Variants in CFAP299 observed in about 807,000 individuals in gnomAD.
CFAP299 encodes the protein cilia and flagella associated protein 299.
CFAP299 carries 21 observed loss-of-function variants against 27.0 expected under a neutral mutation model. The observed-to-expected ratio is 0.78, with a 90% CI of 0.55 to 1.12. The LOEUF is 1.12. Among genes scored for constraint, CFAP299 ranks in the 50% most tolerant of loss-of-function variants. The pLI is 0.00. For synonymous variants in CFAP299, 104 were observed against 98.1 expected, an observed-to-expected ratio of 1.06 and a Z score of -0.36; for missense variants, 310 against 276.6, an observed-to-expected ratio of 1.12 and a Z score of -0.86.
intron 2 of CFAP299, among the ~76,000 whole-genome samples, chr4:80,552,818 G>C (rs1734590833): frequency 6.6e-6 from 1 of 151,912 alleles, no homozygotes; most frequent in Non-Finnish European, 1.5e-5. Flanking sequence ...CTCTCAAGTA[G>C]CTAAGACAAC....
intron 2 of CFAP299, among the ~76,000 whole-genome samples, chr4:80,411,013 TG>T (rs1440729262): frequency 6.6e-6 from 1 of 152,182 alleles, no homozygotes; most frequent in African/African-American, 2.4e-5. Flanking sequence ...ACTTAGGTTT[TG>T]GGTAAAATTC....
chr4:80,921,006 G>C (rs1277340792), intron 4 of CFAP299, among the ~76,000 whole-genome samples: 1 of 152,024 alleles, frequency 6.6e-6, no homozygotes, highest in African/African-American at 2.4e-5. Context: ...TTTGCTAAAT[G>C]CATGTTTGTT....
intron 3 of CFAP299, among the ~76,000 whole-genome samples, chr4:80,595,798 T>A (rs1034327054): frequency 1.1e-4 from 16 of 152,304 alleles, no homozygotes; most frequent in Admixed American, 5.9e-4. Context: ...CTAAGGAAAT[T>A]ATGGACATAT....
At chr4:80,945,693 A>G (rs1007592661) in intron 5 of CFAP299, among the ~76,000 whole-genome samples, 1 of 152,208 alleles carries the variant, frequency 6.6e-6, no homozygotes, top group African/African-American at 2.4e-5. Context: ...AGATTCTTTC[A>G]TAGTAAAATA....
chr4:80,520,060 C>T (rs1274853814), intron 2 of CFAP299, among the ~76,000 whole-genome samples: 2 of 152,136 alleles, frequency 1.3e-5, no homozygotes, highest in Non-Finnish European at 2.9e-5. Context: ...TAGGCTAATA[C>T]TAATTTGGAG....
At chr4:80,440,301 A>C (rs1321672441) in intron 2 of CFAP299, among the ~76,000 whole-genome samples, 10 of 142,818 alleles carry the variant, frequency 7.0e-5, no homozygotes, top group Non-Finnish European at 1.6e-4. Flanking sequence ...CATACAGGAG[A>C]GCTCCGGCTG....
At chr4:80,503,192 G>T (rs1390069585) in intron 2 of CFAP299, among the ~76,000 whole-genome samples, 1 of 152,010 alleles carries the variant, frequency 6.6e-6, no homozygotes, top group Non-Finnish European at 1.5e-5. Context: ...TTTCACCTAG[G>T]ATTCAAAGTC....
intron 2 of CFAP299, among the ~76,000 whole-genome samples, chr4:80,545,523 C>T (rs1252169175): frequency 6.6e-6 from 1 of 152,058 alleles, no homozygotes; most frequent in East Asian, 1.9e-4. Context: ...CCTGGAAACA[C>T]AAAGCCTCTC....
At chr4:80,672,213 A>G (rs1741526966) in intron 3 of CFAP299, among the ~76,000 whole-genome samples, 1 of 152,184 alleles carries the variant, frequency 6.6e-6, no homozygotes, top group African/African-American at 2.4e-5. Context: ...TTTAGCATGA[A>G]GGGATGTTGA....
intron 3 of CFAP299, among the ~76,000 whole-genome samples, chr4:80,741,772 A>G (rs1204733215): frequency 6.6e-6 from 1 of 152,130 alleles, no homozygotes; most frequent in Admixed American, 6.5e-5. Flanking sequence ...TAGAAATTGT[A>G]GTCCTTGTGT....
rs942258217 is a variant in CFAP299 at position 80,627,188 on chromosome 4, C to A, written c.333+44005C>A. On this transcript the variant is annotated intron_variant, in intron 3 of 5. Transcript: ENST00000358105. Reference sequence around the variant, plus strand: ...TCATTCCAGTGATGCAAGGATGGTCCTATATATGCAAATCGGTAAATGTAA... The same window carrying A: ...TCATTCCAGTGATGCAAGGATGGTCATATATATGCAAATCGGTAAATGTAA... 4.0e-5 allele frequency among the ~76,000 whole-genome samples: 6 copies of A among 151,838 alleles called. No homozygotes were observed. In the South Asian group the frequency reaches 1.2e-3, roughly 32 times the overall value.
At position 80,941,560 on chromosome 4, in the gene CFAP299, A is replaced by G. The variant is rs189494376; in HGVS notation, c.477-3250A>G. Among the ~76,000 whole-genome samples, 617 of 152,324 alleles carry G rather than the reference A, an allele frequency of 4.1e-3. 1 individual carries two copies. The highest frequency in any genetic ancestry group is 0.014 in the Middle Eastern group (4 of 294). On this transcript the variant is annotated intron_variant, in intron 4 of 5. Transcript: ENST00000358105. ...AACTAGCTCAACTATTTGTCCTTACATTTCTCCAAAGTCCAAATATCTTTC... is the reference window on the plus strand; with the variant it reads ...AACTAGCTCAACTATTTGTCCTTACGTTTCTCCAAAGTCCAAATATCTTTC...
intron 3 of CFAP299, among the ~76,000 whole-genome samples, chr4:80,606,542 A>C (rs1737688099): frequency 1.3e-5 from 2 of 152,162 alleles, no homozygotes; most frequent in South Asian, 4.1e-4. Flanking sequence ...TTTTTTAAAA[A>C]AAAGATATGT....
chr4:80,799,198 ATATT>A (rs1206439884), intron 3 of CFAP299, among the ~76,000 whole-genome samples: 11 of 118,906 alleles, frequency 9.3e-5, no homozygotes, highest in African/African-American at 3.0e-4. Context: ...TATTTATATA[ATATT>A]TATATATATA....
At chr4:80,786,902 T>C (rs1233011997) in intron 3 of CFAP299, among the ~76,000 whole-genome samples, 1 of 152,072 alleles carries the variant, frequency 6.6e-6, no homozygotes, top group Non-Finnish European at 1.5e-5. Context: ...TGCAAAATAA[T>C]TACTTTAAAT....
intron 3 of CFAP299, among the ~76,000 whole-genome samples, chr4:80,829,666 A>G (rs1730190524): frequency 6.6e-6 from 1 of 152,126 alleles, no homozygotes; most frequent in South Asian, 2.1e-4. Flanking sequence ...TACAACATGA[A>G]AACAATCCAA....
intron 3 of CFAP299, among the ~76,000 whole-genome samples, chr4:80,683,375 G>T (rs1469983545): frequency 6.6e-6 from 1 of 152,072 alleles, no homozygotes; most frequent in Non-Finnish European, 1.5e-5. Context: ...AATGTCAAAA[G>T]TTCTGCATAA....
intron 2 of CFAP299, among the ~76,000 whole-genome samples, chr4:80,380,829 G>A (rs1724664215): frequency 6.6e-6 from 1 of 152,088 alleles, no homozygotes; most frequent in Non-Finnish European, 1.5e-5. Flanking sequence ...CTAAGATTTT[G>A]TTCCACTTTA....
At chr4:80,807,578 T>C (rs1728928613) in intron 3 of CFAP299, among the ~76,000 whole-genome samples, 2 of 152,120 alleles carry the variant, frequency 1.3e-5, no homozygotes, top group South Asian at 4.1e-4. Context: ...AAAAATATAT[T>C]CTTAAAAGCT....
Sources: gnomAD v4.1 joint callset for allele counts (sites outside exome capture counted in the v4.1 genomes callset) on GRCh38, gnomAD v4.1.1 for gene constraint, MANE v1.5 for transcripts, NCBI Gene and HGNC (gene_info 2026-07-23, HGNC 2026-07-21) for gene names.